The following TSC22D1 variants were observed in gnomAD, a reference collection of about 807,000 sequenced individuals.
TSC22D1 encodes the protein TSC22 domain family protein 1.
TSC22D1 carries 9 observed loss-of-function variants against 74.2 expected under a neutral mutation model. The ratio of observed to expected loss-of-function variants is 0.12; its 90% CI spans 0.07 to 0.21. TSC22D1 has a LOEUF of 0.21. Among genes scored for constraint, TSC22D1 ranks in the 10% least tolerant of loss-of-function variants. The pLI, the probability that TSC22D1 is intolerant of heterozygous loss-of-function variation, is 1.00. For missense variants in TSC22D1, 1,427 were observed against 1,304.7 expected (o/e 1.09, Z -1.44); for synonymous variants, 586 against 492.5 (o/e 1.19, Z -2.51).
chr13:44,474,017 C>T (rs948708239), intron 1 of TSC22D1, among the ~76,000 whole-genome samples: 1 of 152,178 alleles, frequency 6.6e-6, no homozygotes, highest in East Asian at 1.9e-4. Context: ...AAATAATCCT[C>T]CAAGTGATTT....
intron 1 of TSC22D1, among the ~76,000 whole-genome samples, chr13:44,534,179 T>C (rs562039142): frequency 6.7e-6 from 1 of 150,352 alleles, no homozygotes; most frequent in Non-Finnish European, 1.5e-5. Context: ...TAAGCCAGGA[T>C]TGAGCCACTG....
At chr13:44,507,343 C>G (rs944467302) in intron 1 of TSC22D1, among the ~76,000 whole-genome samples, 3 of 152,000 alleles carry the variant, frequency 2.0e-5, no homozygotes, top group East Asian at 1.9e-4. Context: ...CAAAAAGGAG[C>G]GAAAGGCCAA....
rs1389122879 is a variant in TSC22D1, at chr13:44,437,153, T to TG, written c.2913-1059dup. 24 of 985,552 alleles carry TG rather than the reference T, an allele frequency of 2.4e-5. 1 individual carries two copies. The highest frequency in any genetic ancestry group is 1.0e-3 in the Middle Eastern group (2 of 1,916). The allele number at this position is 985,552 out of a possible 1,614,324, so 61.1% of individuals were successfully genotyped here. A position where few individuals can be genotyped will look rare whatever the true frequency, so the allele number is the denominator to read the frequency against. ...TGTGAAGGGTCCCTGAAAAATACTA[T>TG]GGGGGCCCCCACACGTGCTTACGTT... On this transcript the variant is annotated intron_variant, in intron 1 of 2. Transcript: ENST00000458659.
chr13:44,454,956 A>G (rs1192379715), intron 1 of TSC22D1, among the ~76,000 whole-genome samples: 1 of 152,200 alleles, frequency 6.6e-6, no homozygotes, highest in African/African-American at 2.4e-5. Context: ...ACAAATATAT[A>G]TTGAGCACCC....
chr13:44,563,983 G>A (rs1380361830), intron 1 of TSC22D1, among the ~76,000 whole-genome samples: 1 of 151,956 alleles, frequency 6.6e-6, no homozygotes, highest in Admixed American at 6.6e-5. Context: ...ACACTCCTTG[G>A]GGACAAGAAC....
chr13:44,523,703 C>T (rs562256064), intron 1 of TSC22D1, among the ~76,000 whole-genome samples: 58 of 152,036 alleles, frequency 3.8e-4, no homozygotes, highest in Non-Finnish European at 7.6e-4. Flanking sequence ...GTATCAGAAG[C>T]GACAACCAGA....
intron 1 of TSC22D1, among the ~76,000 whole-genome samples, chr13:44,452,448 G>A (rs1876218574): frequency 6.6e-6 from 1 of 152,220 alleles, no homozygotes; most frequent in Non-Finnish European, 1.5e-5. Context: ...GTGGGCACGA[G>A]GGTGAGGGCA....
At chr13:44,464,510 T>C (rs78939609) in intron 1 of TSC22D1, among the ~76,000 whole-genome samples, 24 of 152,174 alleles carry the variant, frequency 1.6e-4, no homozygotes, top group Admixed American at 3.3e-4. Flanking sequence ...CTTTTTTTTT[T>C]CCCTATGTTT....
intron 1 of TSC22D1, among the ~76,000 whole-genome samples, chr13:44,471,148 ATCCTGCCACCT>A (rs1877578276): frequency 6.6e-6 from 1 of 152,208 alleles, no homozygotes; most frequent in Non-Finnish European, 1.5e-5. Flanking sequence ...ACAAAATACA[ATCCTGCCACCT>A]TGTGGTACCT....
intron 1 of TSC22D1, among the ~76,000 whole-genome samples, chr13:44,453,271 C>CT (rs1460118266): frequency 1.0e-5 from 1 of 98,572 alleles, no homozygotes; most frequent in African/African-American, 3.8e-5. Context: ...TTAGTAGCCA[C>CT]TCCTCGTTTC....
At chr13:44,447,953 A>C (rs1875823424) in intron 1 of TSC22D1, among the ~76,000 whole-genome samples, 1 of 151,320 alleles carries the variant, frequency 6.6e-6, no homozygotes, top group Non-Finnish European at 1.5e-5. Context: ...TCAAATGGTT[A>C]ACATTCTTAT....
chr13:44,435,040 T>A lies in TSC22D1; in HGVS notation c.2965-157A>T, dbSNP rs1874429307. 5.0e-5 allele frequency: 33 copies of A among 665,268 alleles called. No individual in the cohort carries two copies. In the South Asian group the frequency reaches 6.0e-4, roughly 12 times the overall value. The allele number at this position is 665,268 out of a possible 1,614,324, so 41.2% of individuals were successfully genotyped here. ...ACTTGGGGAAATCTGAATACAAACA[T>A]GACTGTACAATACTTGAGTTTAACG... On this transcript the variant is annotated intron_variant, in intron 2 of 2. Transcript: ENST00000458659.
At chr13:44,447,207 C>T (rs1248911369) in intron 1 of TSC22D1, among the ~76,000 whole-genome samples, 1 of 151,574 alleles carries the variant, frequency 6.6e-6, no homozygotes, top group African/African-American at 2.4e-5. Context: ...TGATCTCGAA[C>T]TCCTGGGCTC....
At chr13:44,435,884 A>T in intron 2 of TSC22D1, 160 bp downstream of exon 2, 1 of 751,172 alleles carries the variant, frequency 1.3e-6, no homozygotes, top group Non-Finnish European at 2.3e-6. Context: ...CTGCCGTGGT[A>T]GGTGGCTCCA....
In TSC22D1 at chr13:44,473,931, T is replaced by C. The variant is rs559612142; in HGVS notation, c.2913-37836A>G. Among the ~76,000 whole-genome samples, 106 of 152,318 alleles carry C rather than the reference T, an allele frequency of 7.0e-4. 1 individual carries two copies. The highest frequency in any genetic ancestry group is 7.2e-4 in the Admixed American group (11 of 15,304). ...TAAAAAGCTGTTATGCAACTAAATG[T>C]TTAAAGATCTTAAGCTAAAAAAGGA... On this transcript the variant is annotated intron_variant, in intron 1 of 2. Transcript: ENST00000458659.
intron 1 of TSC22D1, among the ~76,000 whole-genome samples, chr13:44,558,854 G>A (rs937057889): frequency 1.3e-5 from 2 of 152,192 alleles, no homozygotes; most frequent in African/African-American, 4.8e-5. Flanking sequence ...AGAGATGGAG[G>A]TAGGAAACCG....
At chr13:44,525,496 G>A (rs1158203264) in intron 1 of TSC22D1, among the ~76,000 whole-genome samples, 2 of 152,184 alleles carry the variant, frequency 1.3e-5, no homozygotes, top group African/African-American at 4.8e-5. Flanking sequence ...GCCTGAGGCA[G>A]GAGGATCCCT....
At chr13:44,504,002 T>C (rs1879328332) in intron 1 of TSC22D1, among the ~76,000 whole-genome samples, 1 of 152,106 alleles carries the variant, frequency 6.6e-6, no homozygotes, top group Non-Finnish European at 1.5e-5. Context: ...TGCAAGACTA[T>C]ATAGCTGGAC....
rs536554068 is a variant in TSC22D1 at position 44,464,181 on chromosome 13, G to A, written c.2913-28086C>T. Among the ~76,000 whole-genome samples, 171 of 152,284 alleles carry A rather than the reference G, an allele frequency of 1.1e-3. 3 individuals carry two copies. Among genetic ancestry groups the A allele is most frequent in the African/African-American group, 3.8e-3 (156 of 41,548 alleles). The stretch of plus-strand genomic sequence containing the variant: ...GGGTAACTTGTAATGTAGCAATAGA[G>A]ACCTAATAAAAGGACATGTAAAAAT... On this transcript the variant is annotated intron_variant, in intron 1 of 2. Transcript: ENST00000458659.
Sources: gnomAD v4.1 joint callset for allele counts (sites outside exome capture counted in the v4.1 genomes callset) on GRCh38, gnomAD v4.1.1 for gene constraint, MANE v1.5 for transcripts, NCBI Gene and HGNC (gene_info 2026-07-23, HGNC 2026-07-21) for gene names.